The following LAMC1 variants were observed in gnomAD, a reference collection of about 807,000 sequenced individuals.
The protein encoded by LAMC1 is laminin subunit gamma-1.
Under a neutral mutation model 173.6 loss-of-function variants are expected in LAMC1, and 38 were observed. The observed-to-expected ratio is 0.22, with a 90% confidence interval of 0.17 to 0.29. LAMC1 has a LOEUF of 0.29. Among genes scored for constraint, LAMC1 ranks in the 10% least tolerant of loss-of-function variants. The pLI is 1.00. For missense variants in LAMC1, 1,824 were observed against 2,051.8 expected, an observed-to-expected ratio of 0.89 and a Z score of 2.14; for synonymous variants, 746 against 749.1, an observed-to-expected ratio of 1.00 and a Z score of 0.07.
chr1:183,137,908 G>C, intron 26 of LAMC1, 81 bp downstream of exon 26: 1 of 1,239,074 alleles, frequency 8.1e-7, no homozygotes, highest in Non-Finnish European at 1.1e-6. Flanking sequence ...GTTGAGAAGA[G>C]TCTTTTTTAT....
At chr1:183,029,035 G>A (rs932307177) in intron 1 of LAMC1, among the ~76,000 whole-genome samples, 2 of 152,188 alleles carry the variant, frequency 1.3e-5, no homozygotes, top group African/African-American at 4.8e-5. Context: ...CTAACACTGA[G>A]TTTCTCAACC....
intron 11 of LAMC1, among the ~76,000 whole-genome samples, chr1:183,118,764 G>T (rs1656390302): frequency 6.6e-6 from 1 of 151,496 alleles, no homozygotes; most frequent in Non-Finnish European, 1.5e-5. Context: ...ACTGGCTCAA[G>T]TTGCCTCATC....
Position 183,050,334 on chromosome 1 carries a change from T to C in LAMC1, c.418+26200T>C, listed in dbSNP as rs1041453569. Among the ~76,000 whole-genome samples the C allele has an allele frequency of 3.5e-4, 51 of 145,588 alleles. 1 individual carries two copies. The highest frequency in any genetic ancestry group is 6.0e-5 in the Non-Finnish European group (4 of 66,658). On this transcript the variant is annotated intron_variant, in intron 1 of 27. Coordinates refer to ENST00000258341, the MANE Select transcript of LAMC1 (RefSeq NM_002293.4). ...AGTCTCACTCTCGCCCAGGCTGGAA[T>C]GCAGTGGCGTGATCTCGGCTCACTG... is the stretch of plus-strand genomic sequence containing the variant.
chr1:183,026,037 A>G (rs1001617658), intron 1 of LAMC1, among the ~76,000 whole-genome samples: 4 of 152,222 alleles, frequency 2.6e-5, no homozygotes, highest in African/African-American at 4.8e-5. Context: ...ACTTTGGGTC[A>G]TGGTTGATTA....
intron 1 of LAMC1, among the ~76,000 whole-genome samples, chr1:183,030,190 A>G (rs1027066954): frequency 6.6e-6 from 1 of 152,220 alleles, no homozygotes; most frequent in Non-Finnish European, 1.5e-5. Flanking sequence ...TTTTTGCACA[A>G]TAAGGGCAGA....
At chr1:183,078,925 G>T (rs1226896541) in intron 1 of LAMC1, among the ~76,000 whole-genome samples, 12 of 152,102 alleles carry the variant, frequency 7.9e-5, no homozygotes, top group African/African-American at 2.7e-4. Flanking sequence ...AACCCAGGAG[G>T]CAGAGTTTGT....
intron 6 of LAMC1, 120 bp from the exon 7 acceptor site, chr1:183,116,457 A>G: frequency 1.6e-6 from 1 of 636,926 alleles, no homozygotes; most frequent in Non-Finnish European, 2.7e-6. Context: ...ATCCTGGGCG[A>G]CAGTGTGAGA....
intron 2 of LAMC1, among the ~76,000 whole-genome samples, chr1:183,105,312 C>T (rs1248017392): frequency 6.7e-6 from 1 of 149,932 alleles, no homozygotes; most frequent in East Asian, 2.0e-4. Flanking sequence ...CCTACAAATA[C>T]TCTTTAAGTT....
Position 183,077,001 on chromosome 1 carries a change from C to T in LAMC1, c.419-26327C>T, listed in dbSNP as rs576970642. On this transcript the variant is annotated intron_variant, in intron 1 of 27. Coordinates refer to ENST00000258341, the MANE Select transcript of LAMC1 (RefSeq NM_002293.4). ...GTTGTTACCTAGTGACTTTTCACTG[C>T]GGTCTCTTGAAGTAGCCAAGATTGC... Among the ~76,000 whole-genome samples the T allele has an allele frequency of 3.3e-5, 5 of 152,264 alleles. No homozygotes were observed. The South Asian group carries it at 6.2e-4, about 19-fold the overall frequency.
chr1:183,094,933 G>C (rs1655654672), intron 1 of LAMC1, among the ~76,000 whole-genome samples: 4 of 108,312 alleles, frequency 3.7e-5, no homozygotes, highest in African/African-American at 8.6e-5. Flanking sequence ...TGCAACCTCT[G>C]CCTCCCGATT....
In LAMC1 at chr1:183,096,062, T is replaced by G. The variant is rs73053820; in HGVS notation, c.419-7266T>G. ...ATTTTGGCCCTCCAGTTTACTGAAG[T>G]GTATATGGCATTTTGGGGCATTGCA... On this transcript the variant is annotated intron_variant, in intron 1 of 27. Coordinates refer to ENST00000258341, the MANE Select transcript of LAMC1 (RefSeq NM_002293.4). Among the ~76,000 whole-genome samples the G allele has an allele frequency of 6.5e-3, 984 of 152,280 alleles. 7 individuals are homozygous for G. The highest frequency in any genetic ancestry group is 0.02 in the African/African-American group (836 of 41,556).
intron 27 of LAMC1, among the ~76,000 whole-genome samples, chr1:183,141,823 G>C (rs1005101927): frequency 6.6e-6 from 1 of 152,180 alleles, no homozygotes; most frequent in African/African-American, 2.4e-5. Flanking sequence ...GCAAACTTGG[G>C]CAAATTATTT....
At chr1:183,130,825 A>G (rs1191981835) in intron 19 of LAMC1, among the ~76,000 whole-genome samples, 3 of 152,190 alleles carry the variant, frequency 2.0e-5, no homozygotes, top group Non-Finnish European at 4.4e-5. Context: ...TTTACTGAAA[A>G]TAGAATCTGC....
At position 183,024,037 on chromosome 1, in the gene LAMC1, C is replaced by T. The variant is rs886388125; in HGVS notation, c.321C>T (p.Thr107=). Residue 107 remains threonine (T), a synonymous_variant, in exon 1 of 28, where the codon ACC becomes ACT. Coordinates refer to ENST00000258341, the MANE Select transcript of LAMC1 (RefSeq NM_002293.4). ...PHLQHGAAFL[T]DYNNQADTTW... ...TGCAGCACGGGGCAGCCTTCCTGACCGACTACAACAACCAGGCCGACACCA... is the reference window on the plus strand; with the variant it reads ...TGCAGCACGGGGCAGCCTTCCTGACTGACTACAACAACCAGGCCGACACCA... The T allele has an allele frequency of 5.6e-6, 9 of 1,612,750 alleles. No homozygotes were observed. Among genetic ancestry groups the T allele is most frequent in the African/African-American group, 1.3e-5 (1 of 74,914 alleles).
At chr1:183,066,192 A>G (rs890789836) in intron 1 of LAMC1, among the ~76,000 whole-genome samples, 1 of 152,334 alleles carries the variant, frequency 6.6e-6, no homozygotes, top group Non-Finnish European at 1.5e-5. Flanking sequence ...AGCATTCTCA[A>G]CTTTAGAGTT....
At chr1:183,131,108 A>T (rs1303201006) in intron 19 of LAMC1, among the ~76,000 whole-genome samples, 191 bp from the exon 20 acceptor site, 1 of 141,460 alleles carries the variant, frequency 7.1e-6, no homozygotes, top group East Asian at 2.2e-4. Context: ...CAGGAAGCAG[A>T]GGTTGCGGTG....
At chr1:183,114,477 T>C (rs1216039552) in intron 4 of LAMC1, 54 bp from the exon 5 acceptor site, 1 of 1,561,918 alleles carries the variant, frequency 6.4e-7, no homozygotes, top group African/African-American at 1.4e-5. Context: ...AGTCTTAAAA[T>C]GCTCTTCTTA....
Position 183,121,747 on chromosome 1 carries a change from C to A in LAMC1, c.2015C>A (p.Thr672Asn). 1 of 1,614,052 alleles carries A rather than the reference C, an allele frequency of 6.2e-7. No individual in the cohort carries two copies. Among genetic ancestry groups the A allele is most frequent in the Non-Finnish European group, 8.5e-7 (1 of 1,179,970 alleles). ...ERSAGYLDDV[T>N]LASARPGPGV... is the part of the protein sequence containing the mutation. Reference sequence around the variant, plus strand: ...GGTGCTGGATATTTGGATGATGTCACCCTGGCAAGTGCTCGTCCTGGGCCT... The same window carrying A: ...GGTGCTGGATATTTGGATGATGTCAACCTGGCAAGTGCTCGTCCTGGGCCT... Residue 672 changes from threonine (T) to asparagine (N), a missense_variant, in exon 12 of 28, where the codon ACC (threonine) becomes AAC (asparagine). Physicochemically the swap from Thr to Asn is moderately conservative, Grantham distance 65. Transcript: ENST00000258341.
At chr1:183,058,617 A>C (rs533195323) in intron 1 of LAMC1, among the ~76,000 whole-genome samples, 1 of 152,310 alleles carries the variant, frequency 6.6e-6, no homozygotes, top group African/African-American at 2.4e-5. Flanking sequence ...ATGTCTTCTT[A>C]TGTCTCAATA....
Sources: allele counts gnomAD v4.1 joint callset (sites outside exome capture counted in the v4.1 genomes callset), GRCh38; gene constraint gnomAD v4.1.1; transcripts MANE v1.5; gene names NCBI Gene and HGNC (gene_info 2026-07-23, HGNC 2026-07-21).